Variants in RABEP1 observed in about 807,000 individuals in gnomAD.
The protein encoded by RABEP1 is rab GTPase-binding effector protein 1.
In RABEP1, 51 loss-of-function variants were observed where a neutral mutation model predicts 123.4. The ratio of observed to expected loss-of-function variants is 0.41; its 90% CI spans 0.33 to 0.52. The LOEUF is 0.52. RABEP1 is among the 20% of genes least tolerant of loss of function. RABEP1 has a pLI of 0.16. For synonymous variants in RABEP1, 347 were observed against 355.2 expected (o/e 0.98, Z 0.26); for missense variants, 888 against 996.3 (o/e 0.89, Z 1.46).
intron 1 of RABEP1, among the ~76,000 whole-genome samples, chr17:5,307,684 A>G (rs1040820184): frequency 2.6e-5 from 4 of 152,194 alleles, no homozygotes; most frequent in African/African-American, 9.7e-5. Context: ...CTTATGCTTC[A>G]ATCAAAGGAA....
chr17:5,374,497 T>C lies in RABEP1; in HGVS notation c.2025+1043T>C, dbSNP rs1040796670. ...TGTCCCCTAGGCTGGAGTGCAGTGG[T>C]GTGATCTTGGCTCACTGCAACCTCC... On this transcript the variant is annotated intron_variant, in intron 13 of 17. Coordinates refer to ENST00000537505, the MANE Select transcript of RABEP1 (RefSeq NM_004703.6). Among the ~76,000 whole-genome samples the C allele has an allele frequency of 8.0e-5, 12 of 150,542 alleles. 1 individual carries two copies. Among genetic ancestry groups the C allele is most frequent in the Admixed American group, 5.3e-4 (8 of 15,146 alleles).
intron 1 of RABEP1, among the ~76,000 whole-genome samples, chr17:5,285,497 A>G (rs1206613267): frequency 6.6e-6 from 1 of 152,048 alleles, no homozygotes; most frequent in African/African-American, 2.4e-5. Flanking sequence ...CCTGTTAGTT[A>G]CACAGACATG....
rs536348077 is a variant in RABEP1 at position 5,314,643 on chromosome 17, C to T, written c.163+5821C>T. On this transcript the variant is annotated intron_variant, in intron 2 of 17. Transcript: ENST00000537505. ...ACGCCATTCTCCTCCCTCAGCCTCCCGAGTAGCTGGGACTACAGGCGCCCG... is the reference window on the plus strand; with the variant it reads ...ACGCCATTCTCCTCCCTCAGCCTCCTGAGTAGCTGGGACTACAGGCGCCCG... Among the ~76,000 whole-genome samples, 45 of 151,382 alleles carry T rather than the reference C, an allele frequency of 3.0e-4. 1 individual carries two copies. The South Asian group carries it at 5.6e-3, about 19-fold the overall frequency.
At chr17:5,323,110 T>C (rs1412832654) in intron 2 of RABEP1, among the ~76,000 whole-genome samples, 2 of 152,138 alleles carry the variant, frequency 1.3e-5, no homozygotes, top group Non-Finnish European at 2.9e-5. Flanking sequence ...AAAAACTGTA[T>C]GGTTATATCA....
At chr17:5,331,876 C>A (rs1207090241) in intron 2 of RABEP1, 73 bp from the exon 3 acceptor site, 5 of 1,354,254 alleles carry the variant, frequency 3.7e-6, no homozygotes, top group Admixed American at 1.9e-5. Context: ...AAATTTAATA[C>A]CTTATTTCTT....
intron 12 of RABEP1, among the ~76,000 whole-genome samples, chr17:5,370,647 CAAG>C (rs1209680935): frequency 6.6e-6 from 1 of 152,100 alleles, no homozygotes; most frequent in Admixed American, 6.6e-5. Flanking sequence ...GACATCTTGG[CAAG>C]AATACTGCAC....
intron 2 of RABEP1, among the ~76,000 whole-genome samples, chr17:5,317,719 A>G (rs1019788804): frequency 5.9e-5 from 9 of 152,080 alleles, no homozygotes; most frequent in Admixed American, 5.2e-4. Flanking sequence ...TGTCTTTGTT[A>G]ATGAGCTGAC....
intron 3 of RABEP1, among the ~76,000 whole-genome samples, chr17:5,333,324 G>A (rs977279501): frequency 4.6e-5 from 7 of 151,816 alleles, no homozygotes; most frequent in Non-Finnish European, 7.4e-5. Context: ...CACCACGCCC[G>A]GCTAATTTTT....
At chr17:5,301,047 C>A (rs1446250949) in intron 1 of RABEP1, among the ~76,000 whole-genome samples, 1 of 152,166 alleles carries the variant, frequency 6.6e-6, no homozygotes, top group Non-Finnish European at 1.5e-5. Flanking sequence ...GAGAATCACT[C>A]CTTTATGCTA....
At chr17:5,303,466 T>A (rs1356715508) in intron 1 of RABEP1, among the ~76,000 whole-genome samples, 1 of 152,088 alleles carries the variant, frequency 6.6e-6, no homozygotes, top group Non-Finnish European at 1.5e-5. Flanking sequence ...GGTCTTGAAC[T>A]CCTGTCCTGA....
At chr17:5,340,668 C>T (rs1173730100) in intron 5 of RABEP1, among the ~76,000 whole-genome samples, 3 of 149,524 alleles carry the variant, frequency 2.0e-5, no homozygotes, top group South Asian at 4.2e-4. Context: ...CAAACTGAGC[C>T]GGGCGCAGTG....
At chr17:5,377,846 G>C (rs1911129418) in intron 14 of RABEP1, among the ~76,000 whole-genome samples, 1 of 152,116 alleles carries the variant, frequency 6.6e-6, no homozygotes, top group Non-Finnish European at 1.5e-5. Flanking sequence ...CTTTTTAGGA[G>C]TTCTGTGGCC....
chr17:5,330,803 A>G (rs1906459101), intron 2 of RABEP1, among the ~76,000 whole-genome samples: 1 of 152,104 alleles, frequency 6.6e-6, no homozygotes, highest in Non-Finnish European at 1.5e-5. Flanking sequence ...CGGGAGGATC[A>G]TTTCAGCCCA....
At chr17:5,327,083 C>T (rs1223440395) in intron 2 of RABEP1, among the ~76,000 whole-genome samples, 3 of 152,178 alleles carry the variant, frequency 2.0e-5, no homozygotes, top group African/African-American at 4.8e-5. Flanking sequence ...CACGGTGGCT[C>T]ACGCCTGTAA....
chr17:5,336,638 A>G (rs1162105736), intron 4 of RABEP1: 1 of 343,046 alleles, frequency 2.9e-6, no homozygotes, highest in African/African-American at 2.2e-5. Flanking sequence ...GACATTCAGC[A>G]CTTGGAATTG....
At chr17:5,360,457 G>A (rs1425192457) in intron 8 of RABEP1, among the ~76,000 whole-genome samples, 1 of 152,256 alleles carries the variant, frequency 6.6e-6, no homozygotes, top group East Asian at 1.9e-4. Context: ...AGCTACTTGG[G>A]AGGCTGAGGC....
At chr17:5,374,026 GAA>G (rs942705822) in intron 13 of RABEP1, among the ~76,000 whole-genome samples, 2 of 152,194 alleles carry the variant, frequency 1.3e-5, no homozygotes, top group Admixed American at 6.6e-5. Context: ...TCTAGTACTT[GAA>G]AAGTTATAAC....
intron 12 of RABEP1, 150 bp downstream of exon 12, chr17:5,368,618 A>G: frequency 1.8e-6 from 1 of 563,114 alleles, no homozygotes; most frequent in Admixed American, 3.4e-5. Flanking sequence ...AATAATGGAC[A>G]AAATATTGTA....
At chr17:5,286,662 A>C (rs993726767) in intron 1 of RABEP1, among the ~76,000 whole-genome samples, 2 of 152,230 alleles carry the variant, frequency 1.3e-5, no homozygotes, top group African/African-American at 4.8e-5. Flanking sequence ...AGACACACAC[A>C]AAACTATTTA....
Sources: gnomAD v4.1 joint callset for allele counts (sites outside exome capture counted in the v4.1 genomes callset) on GRCh38, gnomAD v4.1.1 for gene constraint, MANE v1.5 for transcripts, NCBI Gene and HGNC (gene_info 2026-07-23, HGNC 2026-07-21) for gene names.